Variants in MCTP1 observed in about 807,000 individuals in gnomAD.
MCTP1 encodes the protein multiple C2 and transmembrane domain-containing protein 1.
MCTP1 carries 69 observed loss-of-function variants against 120.6 expected under a neutral mutation model. The ratio of observed to expected loss-of-function variants is 0.57; its 90% confidence interval spans 0.47 to 0.70. MCTP1 has a LOEUF of 0.70. MCTP1 is among the 30% of genes least tolerant of loss of function. MCTP1 has a pLI of 0.00. For missense variants in MCTP1, 1,203 were observed against 1,248.8 expected (o/e 0.96, Z 0.55); for synonymous variants, 529 against 493.1 (o/e 1.07, Z -0.96).
intron 4 of MCTP1, among the ~76,000 whole-genome samples, chr5:94,941,757 T>C (rs994613906): frequency 8.6e-5 from 13 of 151,882 alleles, no homozygotes; most frequent in African/African-American, 2.9e-4. Flanking sequence ...ATAAGCCCAT[T>C]ATTAGGTGTA....
intron 1 of MCTP1, among the ~76,000 whole-genome samples, chr5:95,238,397 T>C (rs977384974): frequency 6.6e-6 from 1 of 152,228 alleles, no homozygotes; most frequent in Non-Finnish European, 1.5e-5. Context: ...GGCATTCTGA[T>C]ATTTCTATCT....
intron 2 of MCTP1, among the ~76,000 whole-genome samples, chr5:94,995,366 C>T (rs1208723338): frequency 6.6e-6 from 1 of 152,150 alleles, no homozygotes; most frequent in African/African-American, 2.4e-5. Flanking sequence ...TTCTCTATAT[C>T]TACAACTACC....
chr5:94,761,934 TG>T (rs1219707381), intron 19 of MCTP1, among the ~76,000 whole-genome samples: 1 of 152,194 alleles, frequency 6.6e-6, no homozygotes, highest in Admixed American at 6.5e-5. Context: ...CAAACCAAGC[TG>T]CCATGGTATG....
chr5:94,808,958 T>C (rs1180353371), intron 17 of MCTP1, among the ~76,000 whole-genome samples: 1 of 152,150 alleles, frequency 6.6e-6, no homozygotes, highest in Non-Finnish European at 1.5e-5. Context: ...AGTTGCTATC[T>C]GAAACCTAAA....
intron 1 of MCTP1, among the ~76,000 whole-genome samples, chr5:95,257,889 G>T (rs1562283162): frequency 6.6e-6 from 1 of 151,826 alleles, no homozygotes; most frequent in Non-Finnish European, 1.5e-5. Flanking sequence ...AATGGCCTGT[G>T]CCAGAACAAT....
At chr5:94,876,129 A>C (rs1303595130) in intron 12 of MCTP1, among the ~76,000 whole-genome samples, 1 of 152,196 alleles carries the variant, frequency 6.6e-6, no homozygotes, top group African/African-American at 2.4e-5. Flanking sequence ...CACATAGTTA[A>C]TATGCTTATC....
chr5:95,253,665 G>T (rs993677001), intron 1 of MCTP1, among the ~76,000 whole-genome samples: 1 of 151,940 alleles, frequency 6.6e-6, no homozygotes, highest in African/African-American at 2.4e-5. Context: ...AAATGTATAG[G>T]TACATATGTA....
intron 1 of MCTP1, among the ~76,000 whole-genome samples, chr5:95,040,458 G>T (rs1424275567): frequency 1.4e-5 from 2 of 147,968 alleles, no homozygotes; most frequent in African/African-American, 5.1e-5. Flanking sequence ...AAAAAAAAAA[G>T]AAAGAAATTT....
chr5:94,770,875 C>G (rs973826623), intron 19 of MCTP1, among the ~76,000 whole-genome samples: 5 of 152,112 alleles, frequency 3.3e-5, no homozygotes, highest in African/African-American at 1.2e-4. Context: ...GATTCCTCAC[C>G]GTGCCTAATC....
intron 1 of MCTP1, among the ~76,000 whole-genome samples, chr5:95,253,236 C>T (rs1209144457): frequency 6.6e-6 from 1 of 151,998 alleles, no homozygotes; most frequent in East Asian, 1.9e-4. Context: ...TGAAAATTAC[C>T]ATCCTTTTTA....
At chr5:94,712,935 T>C (rs935175934) in intron 20 of MCTP1, among the ~76,000 whole-genome samples, 2 of 151,944 alleles carry the variant, frequency 1.3e-5, no homozygotes, top group African/African-American at 4.8e-5. Flanking sequence ...CTTACTCCTA[T>C]TGGAAGGATA....
intron 1 of MCTP1, among the ~76,000 whole-genome samples, chr5:95,268,644 A>T (rs894962621): frequency 6.6e-6 from 1 of 152,246 alleles, no homozygotes; most frequent in Non-Finnish European, 1.5e-5. Context: ...TAGCTTACTC[A>T]TGTGGTCCTA....
chr5:95,227,908 G>T (rs1754465814), intron 1 of MCTP1, among the ~76,000 whole-genome samples: 1 of 152,074 alleles, frequency 6.6e-6, no homozygotes, highest in South Asian at 2.1e-4. Flanking sequence ...AGTTTAGTGT[G>T]CATAAACTAA....
At chr5:94,937,384 C>G (rs1816447650) in intron 5 of MCTP1, among the ~76,000 whole-genome samples, 2 of 151,844 alleles carry the variant, frequency 1.3e-5, no homozygotes, top group Admixed American at 6.6e-5. Flanking sequence ...TCAGGAGGAA[C>G]TTTTTGTGTT....
rs1426157012 is a variant in MCTP1, at chr5:94,704,234, CATTTAAAGCCCAAGA to C, written c.*3247_*3261del. On this transcript the variant is annotated 3_prime_UTR_variant, in exon 23 of 23. Transcript: ENST00000515393. ...CACTAGAGTGTGAAATCACGCTATTCATTTAAAGCCCAAGAATTTAAGCAAGTATTAATTTAGCAA... is the reference window on the plus strand; with the variant it reads ...CACTAGAGTGTGAAATCACGCTATTCATTTAAGCAAGTATTAATTTAGCAA... 1.3e-5 allele frequency: 2 copies of C among 151,594 alleles called. No individual in the cohort carries two copies. Among genetic ancestry groups the C allele is most frequent in the African/African-American group, 2.4e-5 (1 of 41,376 alleles). The allele number at this position is 151,594 out of a possible 1,614,324, so 9.4% of individuals were successfully genotyped here.
intron 1 of MCTP1, among the ~76,000 whole-genome samples, chr5:95,138,746 T>C (rs71646188): frequency 6.6e-6 from 1 of 152,282 alleles, no homozygotes; most frequent in East Asian, 1.9e-4. Context: ...TATCACAAGG[T>C]ATTATTATCT....
intron 17 of MCTP1, among the ~76,000 whole-genome samples, chr5:94,841,051 C>G (rs1790908883): frequency 1.3e-5 from 2 of 152,172 alleles, no homozygotes; most frequent in Non-Finnish European, 2.9e-5. Context: ...ATCTTTGACA[C>G]TGGGGTGCCA....
intron 1 of MCTP1, among the ~76,000 whole-genome samples, chr5:95,208,938 T>C (rs1299463529): frequency 6.6e-6 from 1 of 152,154 alleles, no homozygotes; most frequent in Non-Finnish European, 1.5e-5. Flanking sequence ...TTAATCTGTT[T>C]CTTCTCATGA....
chr5:94,869,838 G>T (rs965314571), intron 16 of MCTP1, among the ~76,000 whole-genome samples: 1 of 151,940 alleles, frequency 6.6e-6, no homozygotes, highest in African/African-American at 2.4e-5. Context: ...TTCCCTTCAT[G>T]ATAGAAAAAT....
Sources: allele counts gnomAD v4.1 joint callset (sites outside exome capture counted in the v4.1 genomes callset), GRCh38; gene constraint gnomAD v4.1.1; transcripts MANE v1.5; gene names NCBI Gene and HGNC (gene_info 2026-07-23, HGNC 2026-07-21).